PDCD11: variants seen among roughly 807,000 people sequenced by gnomAD.
PDCD11 encodes protein RRP5 homolog.
A neutral mutation model predicts 198.9 loss-of-function variants in PDCD11; 97 were observed. The ratio of observed to expected loss-of-function variants is 0.49; its 90% CI spans 0.41 to 0.58. The LOEUF (loss-of-function observed/expected upper bound fraction) is 0.58. Ranked by LOEUF, PDCD11 falls within the 20% of genes least tolerant of loss-of-function variation. The probability of loss-of-function intolerance (pLI) is 0.00; values close to 1 mark genes in which losing one functional copy is unlikely to be tolerated. For missense variants in PDCD11, 2,102 were observed against 2,312.7 expected (o/e 0.91, Z 1.87); for synonymous variants, 893 against 918.0 (o/e 0.97, Z 0.49).
At position 103,445,683 on chromosome 10, in the gene PDCD11, TC is replaced by T; in HGVS notation, c.*136del. The T allele has an allele frequency of 1.5e-6, 1 of 663,120 alleles. No individual in the cohort carries two copies. The highest frequency in any genetic ancestry group is 2.5e-6 in the Non-Finnish European group (1 of 394,448). The allele number at this position is 663,120 out of a possible 1,614,324, so 41.1% of individuals were successfully genotyped here. A position where few individuals can be genotyped will look rare whatever the true frequency, so the allele number is the denominator to read the frequency against. ...TTTTTCTGCAGCACGCTTGGGGAAATCCTGTCAGGATGAAAAGGAAGTTGAG... is the reference window on the plus strand; with the variant it reads ...TTTTTCTGCAGCACGCTTGGGGAAATCTGTCAGGATGAAAAGGAAGTTGAG... On this transcript the variant is annotated 3_prime_UTR_variant, in exon 36 of 36. Transcript: ENST00000369797.
At chr10:103,426,702 C>G (rs751148162) in intron 20 of PDCD11, among the ~76,000 whole-genome samples, 2 of 151,716 alleles carry the variant, frequency 1.3e-5, no homozygotes, top group Non-Finnish European at 2.9e-5. Flanking sequence ...AGGAGAATCA[C>G]TTGAACTCAG....
intron 15 of PDCD11, 125 bp from the exon 16 acceptor site, chr10:103,419,413 T>G: frequency 9.3e-7 from 1 of 1,069,878 alleles, no homozygotes; most frequent in Admixed American, 2.3e-5. Flanking sequence ...GTCTGCACAC[T>G]TAGAGAATCG....
Position 103,406,177 on chromosome 10 carries a change from AT to A in PDCD11, c.688+73del. 5 of 1,555,640 alleles carry A rather than the reference AT, an allele frequency of 3.2e-6. No individual in the cohort carries two copies. In the South Asian group the frequency reaches 5.7e-5, roughly 18 times the overall value. ...CATGTGGGGATTATATTTAAGTGCC[AT>A]TTTGATGAGTAACATGACAGAATGG... On this transcript the variant is annotated intron_variant, in intron 6 of 35. Coordinates refer to ENST00000369797, the MANE Select transcript of PDCD11 (RefSeq NM_014976.2).
intron 9 of PDCD11, 118 bp downstream of exon 9, chr10:103,413,440 A>C: frequency 1.3e-6 from 1 of 760,510 alleles, no homozygotes; most frequent in Non-Finnish European, 2.2e-6. Flanking sequence ...TGGATATTGT[A>C]GTTCTAATTC....
chr10:103,443,090 C>T, intron 32 of PDCD11, 75 bp from the exon 33 acceptor site: 1 of 1,349,422 alleles, frequency 7.4e-7, no homozygotes, highest in Non-Finnish European at 1.0e-6. Context: ...GGAGGTGGTT[C>T]CTGAGTCTGT....
chr10:103,446,005 C>A lies in PDCD11; in HGVS notation c.*456C>A. The A allele has an allele frequency of 6.1e-6, 1 of 164,004 alleles. No individual in the cohort carries two copies. Among genetic ancestry groups the A allele is most frequent in the South Asian group, 1.7e-4 (1 of 5,980 alleles). The allele number at this position is 164,004 out of a possible 1,614,324, so 10.2% of individuals were successfully genotyped here. A position where few individuals can be genotyped will look rare whatever the true frequency, so the allele number is the denominator to read the frequency against. ...TTGGAGTCTCTGGGTGTTCCTTCAG[C>A]CTCAGCCTCACTGGTACCTTCTGCC... On this transcript the variant is annotated 3_prime_UTR_variant, in exon 36 of 36. Transcript: ENST00000369797.
Position 103,445,774 on chromosome 10 carries a change from G to A in PDCD11, c.*225G>A. On this transcript the variant is annotated 3_prime_UTR_variant, in exon 36 of 36. Transcript: ENST00000369797. The stretch of plus-strand genomic sequence containing the variant: ...CAACTTGTTATCTTTTTCCTTATCT[G>A]AGGCTACCTGGGGATTGTGGGCAGC... 1 of 490,118 alleles carries A rather than the reference G, an allele frequency of 2.0e-6. No homozygotes were observed. Among genetic ancestry groups the A allele is most frequent in the Non-Finnish European group, 3.7e-6 (1 of 272,052 alleles). The allele number at this position is 490,118 out of a possible 1,614,324, so 30.4% of individuals were successfully genotyped here.
intron 22 of PDCD11, 76 bp from the exon 23 acceptor site, chr10:103,433,871 GT>G: frequency 8.9e-7 from 1 of 1,120,370 alleles, no homozygotes; most frequent in Non-Finnish European, 1.4e-6. Context: ...TTTCCACCTT[GT>G]GGTTTTAGGA....
chr10:103,413,380 C>T, intron 9 of PDCD11, 58 bp downstream of exon 9: 3 of 1,389,652 alleles, frequency 2.2e-6, no homozygotes, highest in African/African-American at 1.4e-5. Context: ...TTCTGGAGCA[C>T]AGGGGGCCAT....
At chr10:103,431,001 T>C (rs1464426497) in intron 21 of PDCD11, among the ~76,000 whole-genome samples, 2 of 152,100 alleles carry the variant, frequency 1.3e-5, no homozygotes, top group African/African-American at 4.8e-5. Flanking sequence ...GGTTTCATCA[T>C]GTTGGCCAGG....
rs757604361 is a variant in PDCD11 at position 103,433,937 on chromosome 10, T to G, written c.3475-11T>G. ...GTATTTGCCCTACTCTGGTTCCTTTTTTTCCCTCAGTACAATGTGGTGAAG... is the reference window on the plus strand; with the variant it reads ...GTATTTGCCCTACTCTGGTTCCTTTGTTTCCCTCAGTACAATGTGGTGAAG... On this transcript the variant is annotated splice_polypyrimidine_tract_variant and intron_variant, in intron 22 of 35. Coordinates refer to ENST00000369797, the MANE Select transcript of PDCD11 (RefSeq NM_014976.2). 1 of 1,609,162 alleles carries G rather than the reference T, an allele frequency of 6.2e-7. No individual in the cohort carries two copies. The highest frequency in any genetic ancestry group is 1.1e-5 in the South Asian group (1 of 90,902).
At chr10:103,430,651 T>C (rs74656843) in intron 21 of PDCD11, among the ~76,000 whole-genome samples, 2 of 151,750 alleles carry the variant, frequency 1.3e-5, no homozygotes, top group Non-Finnish European at 2.9e-5. Flanking sequence ...TTTTTTTTTT[T>C]AATAGTGGCC....
Position 103,434,869 on chromosome 10 carries a change from A to AC in PDCD11, c.3741dup (p.Val1248ArgfsTer18). ...GAAGGTGACTCCCAACGAGGGGCTG[A>AC]CCGTCTCCTTCCCCTTTGGGAAGAT... On this transcript the variant is annotated frameshift_variant, in exon 25 of 36. Coordinates refer to ENST00000369797, the MANE Select transcript of PDCD11 (RefSeq NM_014976.2). LOFTEE classifies it high-confidence loss of function. The AC allele has an allele frequency of 1.9e-6, 3 of 1,613,098 alleles. No homozygotes were observed. Among genetic ancestry groups the AC allele is most frequent in the Non-Finnish European group, 2.5e-6 (3 of 1,179,562 alleles).
At chr10:103,400,879 G>A (rs2029998876) in intron 3 of PDCD11, among the ~76,000 whole-genome samples, 1 of 151,982 alleles carries the variant, frequency 6.6e-6, no homozygotes, top group South Asian at 2.1e-4. Context: ...CTTCTCCTGA[G>A]AAATTGGGAC....
In PDCD11 at chr10:103,418,478, G is replaced by T. The variant is rs375237168; in HGVS notation, c.1950G>T (p.Gly650=). ...DVKVLEKTKD[G]LEVAVLPHNI... ...AGGTTTTAGAGAAGACCAAAGATGGGCTGGAGGTGGCTGTCCTGCCCCACA... is the reference window on the plus strand; with the variant it reads ...AGGTTTTAGAGAAGACCAAAGATGGTCTGGAGGTGGCTGTCCTGCCCCACA... The change falls in exon 15 of 36, where the codon GGG becomes GGT. Residue 650 remains glycine (G), a synonymous_variant. Coordinates refer to ENST00000369797, the MANE Select transcript of PDCD11 (RefSeq NM_014976.2). 4 of 1,614,026 alleles carry T rather than the reference G, an allele frequency of 2.5e-6. No individual in the cohort carries two copies. The African/African-American group carries it at 5.3e-5, about 22-fold the overall frequency.
At chr10:103,417,460 A>C (rs77206432) in intron 13 of PDCD11, among the ~76,000 whole-genome samples, 4,256 of 152,388 alleles carry the variant, frequency 0.028, 79 homozygotes, top group Middle Eastern at 0.034. Context: ...GGCCTGAGCC[A>C]CTAAGCCTGG....
At chr10:103,407,019 T>TGAC (rs1418967727) in intron 7 of PDCD11, among the ~76,000 whole-genome samples, 1 of 152,248 alleles carries the variant, frequency 6.6e-6, no homozygotes, top group African/African-American at 2.4e-5. Context: ...TTCTAAAATG[T>TGAC]GACTGCTAGA....
Position 103,400,560 on chromosome 10 carries a change from C to T in PDCD11, c.234+32C>T, listed in dbSNP as rs191757216. On this transcript the variant is annotated intron_variant, in intron 3 of 35. Coordinates refer to ENST00000369797, the MANE Select transcript of PDCD11 (RefSeq NM_014976.2). ...TAAAGTTGGTTTTCATTTAAACAAT[C>T]GACCTTGGTTGCTTAAGTTTGTGTA... is the stretch of plus-strand genomic sequence containing the variant. 138 of 1,595,010 alleles carry T rather than the reference C, an allele frequency of 8.7e-5. No individual in the cohort carries two copies. The East Asian group carries it at 2.6e-3, about 30-fold the overall frequency.
chr10:103,424,396 G>C (rs1438059551), intron 19 of PDCD11, among the ~76,000 whole-genome samples: 1 of 152,220 alleles, frequency 6.6e-6, no homozygotes, highest in African/African-American at 2.4e-5. Flanking sequence ...AGGACAGAGA[G>C]AGAATGGAAA....
Sources: gnomAD v4.1 joint callset for allele counts (sites outside exome capture counted in the v4.1 genomes callset) on GRCh38, gnomAD v4.1.1 for gene constraint, MANE v1.5 for transcripts, NCBI Gene and HGNC (gene_info 2026-07-23, HGNC 2026-07-21) for gene names.